Variants in SLC14A2 observed in about 807,000 individuals in gnomAD.
SLC14A2 encodes urea transporter 2.
In SLC14A2, 91 loss-of-function variants were observed where a neutral mutation model predicts 104.6. The ratio of observed to expected loss-of-function variants is 0.87; its 90% CI spans 0.73 to 1.04. The LOEUF is 1.04. SLC14A2 is among the 50% of genes least tolerant of loss of function. SLC14A2 has a pLI of 0.00. For missense variants in SLC14A2, 1,189 were observed against 1,156.0 expected, an observed-to-expected ratio of 1.03 and a Z score of -0.41; for synonymous variants, 476 against 466.4, an observed-to-expected ratio of 1.02 and a Z score of -0.27.
intron 1 of SLC14A2, among the ~76,000 whole-genome samples, chr18:45,381,856 G>A (rs996794526): frequency 6.6e-6 from 1 of 152,094 alleles, no homozygotes; most frequent in African/African-American, 2.4e-5. Flanking sequence ...GAGTCCAGTG[G>A]CAGCGGGCTG....
At chr18:45,292,197 A>G (rs1266151421) in intron 1 of SLC14A2, among the ~76,000 whole-genome samples, 3 of 152,200 alleles carry the variant, frequency 2.0e-5, no homozygotes, top group African/African-American at 7.2e-5. Flanking sequence ...CTTTTGCGGC[A>G]ACCCCTGTCA....
chr18:45,225,914 A>G (rs1286041280), intron 1 of SLC14A2, among the ~76,000 whole-genome samples: 1 of 152,190 alleles, frequency 6.6e-6, no homozygotes, highest in African/African-American at 2.4e-5. Context: ...TTTTCTACAT[A>G]TACAGTCCTG....
chr18:45,436,386 A>G (rs1443630467), intron 1 of SLC14A2, among the ~76,000 whole-genome samples: 2 of 152,172 alleles, frequency 1.3e-5, no homozygotes, highest in African/African-American at 4.8e-5. Context: ...GGGCAACAGT[A>G]ATGGTAATTT....
At chr18:45,661,863 C>G (rs1567998956) in intron 10 of SLC14A2, among the ~76,000 whole-genome samples, 1 of 152,212 alleles carries the variant, frequency 6.6e-6, no homozygotes, top group Non-Finnish European at 1.5e-5. Flanking sequence ...CTCCAGGTAT[C>G]TCTGAAATGC....
At chr18:45,578,296 G>A (rs928890143) in intron 2 of SLC14A2, among the ~76,000 whole-genome samples, 17 of 152,144 alleles carry the variant, frequency 1.1e-4, no homozygotes, top group Admixed American at 7.2e-4. Flanking sequence ...CATGTGGTTC[G>A]TTATGACTTC....
At position 45,276,511 on chromosome 18, in the gene SLC14A2, C is replaced by A. The variant is rs376898937; in HGVS notation, c.-125+63320C>A. Among the ~76,000 whole-genome samples the A allele has an allele frequency of 9.9e-5, 15 of 152,238 alleles. No individual in the cohort carries two copies. In the South Asian group the frequency reaches 2.7e-3, roughly 27 times the overall value. The stretch of plus-strand genomic sequence containing the variant: ...GGATAAAACTACAGATAATAGCAGT[C>A]AGAAATTGGAGAGTGTGGTGTGTTC... On this transcript the variant is annotated intron_variant, in intron 1 of 20. Transcript: ENST00000586448.
At position 45,624,788 on chromosome 18, in the gene SLC14A2, C is replaced by G; in HGVS notation, c.124C>G (p.Pro42Ala). ...ATCCCCGGATACTCACCCAGCTCTG[C>G]CCCTCCTGGAAATGCCTGAAGAAAA... is the stretch of plus-strand genomic sequence containing the variant. ...STSPDTHPAL[P>A]LLEMPEEKDL... Residue 42 changes from proline (P) to alanine (A), a missense_variant, in exon 2 of 20, where the codon CCC becomes GCC. By Grantham distance (27) the Pro-to-Ala change is conservative (BLOSUM62 -1). Transcript: ENST00000255226. 8 of 1,611,872 alleles carry G rather than the reference C, an allele frequency of 5.0e-6. No homozygotes were observed. Among genetic ancestry groups the G allele is most frequent in the Non-Finnish European group, 6.8e-6 (8 of 1,179,050 alleles).
At chr18:45,355,139 A>G (rs1372588170) in intron 1 of SLC14A2, among the ~76,000 whole-genome samples, 1 of 152,144 alleles carries the variant, frequency 6.6e-6, no homozygotes, top group African/African-American at 2.4e-5. Flanking sequence ...CAAATATCCT[A>G]GTCTGTGAAA....
rs188025906 is a variant in SLC14A2 at position 45,461,874 on chromosome 18, G to A, written c.-124-21359G>A. 8.5e-5 allele frequency among the ~76,000 whole-genome samples: 13 copies of A among 152,312 alleles called. No individual in the cohort carries two copies. In the East Asian group the frequency reaches 2.5e-3, roughly 29 times the overall value. On this transcript the variant is annotated intron_variant, in intron 1 of 20. Coordinates refer to the SLC14A2 transcript ENST00000586448. Reference sequence around the variant, plus strand: ...TCGTAAATACTGTGAATTAATGCTAGATTGTTTTCCTCCCTGGGAGAGTCT... The same window carrying A: ...TCGTAAATACTGTGAATTAATGCTAAATTGTTTTCCTCCCTGGGAGAGTCT...
intron 1 of SLC14A2, among the ~76,000 whole-genome samples, chr18:45,252,037 C>G (rs932877475): frequency 1.6e-4 from 24 of 152,166 alleles, no homozygotes; most frequent in African/African-American, 5.8e-4. Flanking sequence ...CAGCTTGCCT[C>G]AGAGGCTGTG....
In SLC14A2 at chr18:45,586,643, G is replaced by A. The variant is rs147364189; in HGVS notation, c.-34-37988G>A. ...AGGCCGTGACTGCTTGCCCTTTGCC[G>A]TGCCCCAGCGTACTGCAAGCTTGTC... On this transcript the variant is annotated intron_variant, in intron 2 of 20. Transcript: ENST00000586448. Among the ~76,000 whole-genome samples the A allele has an allele frequency of 1.6e-3, 245 of 152,258 alleles. 1 individual carries two copies. The highest frequency in any genetic ancestry group is 5.0e-3 in the African/African-American group (206 of 41,556).
At chr18:45,424,914 T>G (rs1376080687) in intron 1 of SLC14A2, among the ~76,000 whole-genome samples, 2 of 152,320 alleles carry the variant, frequency 1.3e-5, no homozygotes, top group Middle Eastern at 3.4e-3. Flanking sequence ...TGAAGGCCTG[T>G]CAGTTGGGAG....
At position 45,666,172 on chromosome 18, in the gene SLC14A2, A is replaced by G. The variant is rs754264608; in HGVS notation, c.1510A>G (p.Lys504Glu). Residue 504 changes from lysine (K) to glutamate (E), a missense_variant, in exon 12 of 20, where the codon AAA becomes GAA. Transcript: ENST00000255226. ...GKGEHQERQN[K>E]DPFPYRYRKP... is the part of the protein sequence containing the mutation. ...AGGCGAACACCAGGAAAGACAAAACAAAGACCCATTTCCCTATCGATACCG... is the reference window on the plus strand; with the variant it reads ...AGGCGAACACCAGGAAAGACAAAACGAAGACCCATTTCCCTATCGATACCG... 9 of 1,613,898 alleles carry G rather than the reference A, an allele frequency of 5.6e-6. No homozygotes were observed.
At chr18:45,256,680 T>C (rs1045687255) in intron 1 of SLC14A2, among the ~76,000 whole-genome samples, 1 of 152,274 alleles carries the variant, frequency 6.6e-6, no homozygotes, top group South Asian at 2.1e-4. Context: ...AGACAGATTC[T>C]GGAAGGTTCA....
At chr18:45,586,005 C>T (rs1315358982) in intron 2 of SLC14A2, among the ~76,000 whole-genome samples, 1 of 152,156 alleles carries the variant, frequency 6.6e-6, no homozygotes, top group Non-Finnish European at 1.5e-5. Context: ...TTGGGGAATA[C>T]GGAAGCAGAC....
intron 2 of SLC14A2, among the ~76,000 whole-genome samples, chr18:45,527,200 C>G (rs147818097): frequency 1.8e-3 from 277 of 152,272 alleles, no homozygotes; most frequent in Non-Finnish European, 3.2e-3. Context: ...GCTCCCTGTT[C>G]TGATGAGAAG....
At chr18:45,200,410 A>C in the SLC14A2 span, among the ~76,000 whole-genome samples, 2 of 152,202 alleles carry the variant, frequency 1.3e-5, no homozygotes, top group African/African-American at 2.4e-5. Flanking sequence ...TAGTGCAGTA[A>C]TTTGAAATGG....
intron 1 of SLC14A2, among the ~76,000 whole-genome samples, chr18:45,414,757 A>AAAAAAAAAAAATAT (rs1360051908): frequency 1.3e-5 from 1 of 76,124 alleles, no homozygotes; most frequent in Non-Finnish European, 2.2e-5. Flanking sequence ...AAAAAAAAAA[A>AAAAAAAAAAAATAT]ATATATATAT....
chr18:45,627,665 CAGATGTGGAAAG>C (rs1555715253), intron 4 of SLC14A2, among the ~76,000 whole-genome samples: 1 of 152,110 alleles, frequency 6.6e-6, no homozygotes, highest in Non-Finnish European at 1.5e-5. Context: ...GGCATAGATA[CAGATGTGGAAAG>C]AGAAGTTGGC....
Sources: allele counts gnomAD v4.1 joint callset (sites outside exome capture counted in the v4.1 genomes callset), GRCh38; gene constraint gnomAD v4.1.1; transcripts MANE v1.5; gene names NCBI Gene and HGNC (gene_info 2026-07-23, HGNC 2026-07-21).